Variants in EPB41L4A observed in about 807,000 individuals in gnomAD.
EPB41L4A encodes the protein band 4.1-like protein 4A.
Under a neutral mutation model 108.6 loss-of-function variants are expected in EPB41L4A, and 100 were observed. That is an observed-to-expected ratio of 0.92 (90% confidence interval 0.78 to 1.09). EPB41L4A has a LOEUF of 1.09. EPB41L4A is among the 50% of genes least tolerant of loss of function. EPB41L4A has a pLI of 0.00. For synonymous variants in EPB41L4A, 319 were observed against 289.0 expected (o/e 1.10, Z -1.05); for missense variants, 1,030 against 842.7 (o/e 1.22, Z -2.75).
At chr5:112,152,298 A>G (rs1759500148) in intron 12 of EPB41L4A, among the ~76,000 whole-genome samples, 1 of 152,226 alleles carries the variant, frequency 6.6e-6, no homozygotes. Flanking sequence ...AAAGTGAACC[A>G]AATATTCTAA....
chr5:112,282,914 T>A lies in EPB41L4A; in HGVS notation c.205-2591A>T, dbSNP rs186734808. On this transcript the variant is annotated intron_variant, in intron 2 of 22. Coordinates refer to ENST00000261486, the MANE Select transcript of EPB41L4A (RefSeq NM_022140.5). Reference sequence around the variant, plus strand: ...TTCAGATTTTTTGATTCATTTTGTTTTGTTTTGTCTTTGTTTCCTTGTCTC... The same window carrying A: ...TTCAGATTTTTTGATTCATTTTGTTATGTTTTGTCTTTGTTTCCTTGTCTC... Among the ~76,000 whole-genome samples, 872 of 152,288 alleles carry A rather than the reference T, an allele frequency of 5.7e-3. 2 individuals carry two copies. The highest frequency in any genetic ancestry group is 0.014 in the Middle Eastern group (4 of 294).
chr5:112,406,724 T>C (rs895238916), intron 1 of EPB41L4A, among the ~76,000 whole-genome samples: 1 of 152,094 alleles, frequency 6.6e-6, no homozygotes, highest in African/African-American at 2.4e-5. Flanking sequence ...TTCTGACTTC[T>C]GCCTCTACAA....
chr5:112,366,550 A>G (rs1284016049), intron 1 of EPB41L4A, among the ~76,000 whole-genome samples: 1 of 152,096 alleles, frequency 6.6e-6, no homozygotes, highest in Non-Finnish European at 1.5e-5. Context: ...TGAAAGGGCC[A>G]TGTGATAGGA....
intron 2 of EPB41L4A, among the ~76,000 whole-genome samples, chr5:112,305,139 G>A (rs1754604666): frequency 6.6e-6 from 1 of 152,138 alleles, no homozygotes; most frequent in South Asian, 2.1e-4. Context: ...TGGAATTCTG[G>A]TCCTAATACG....
upstream of EPB41L4A, chr5:112,419,279 G>C (rs886626107): frequency 1.6e-5 from 6 of 379,396 alleles, no homozygotes; most frequent in South Asian, 3.5e-5. Context: ...GGCGGAACTG[G>C]GCGCGGAGGG....
intron 12 of EPB41L4A, chr5:112,228,316 A>G (rs1320397619): frequency 1.3e-5 from 2 of 152,108 alleles, no homozygotes; most frequent in African/African-American, 2.4e-5. Context: ...CACTAGGTCC[A>G]CTCCGCTGCA....
chr5:112,176,506 C>G (rs1223551660), intron 18 of EPB41L4A, among the ~76,000 whole-genome samples: 2 of 152,098 alleles, frequency 1.3e-5, no homozygotes, highest in East Asian at 3.9e-4. Context: ...CTCAGTAAAA[C>G]ACGATGCTAC....
chr5:112,191,897 C>CT (rs1288732946), intron 17 of EPB41L4A: 1 of 152,132 alleles, frequency 6.6e-6, no homozygotes, highest in African/African-American at 2.4e-5. Context: ...GGCGTGCAGG[C>CT]TTTTCTTGGA....
rs1761874485 is a variant in EPB41L4A at position 112,194,659 on chromosome 5, G to C, written c.1425-14C>G. On this transcript the variant is annotated splice_polypyrimidine_tract_variant and intron_variant, in intron 16 of 22. Transcript: ENST00000261486. ...CGTGAACGTGACCTGAAGACAAAAA[G>C]GTAAGAACAAAAGAAAAAACACACA... 6.3e-7 allele frequency: 1 copy of C among 1,580,116 alleles called. No individual in the cohort carries two copies. The highest frequency in any genetic ancestry group is 8.6e-7 in the Non-Finnish European group (1 of 1,163,896).
chr5:112,392,401 C>CAAAAAAAAAAAAAAAAAAAA (rs56256606), intron 1 of EPB41L4A, among the ~76,000 whole-genome samples: 2 of 35,922 alleles, frequency 5.6e-5, no homozygotes, highest in Non-Finnish European at 9.4e-5. Flanking sequence ...AAATGGAAAG[C>CAAAAAAAAAAAAAAAAAAAA]AAAAAAAAAA....
intron 1 of EPB41L4A, among the ~76,000 whole-genome samples, chr5:112,335,656 C>T (rs2150679213): frequency 6.6e-6 from 1 of 152,362 alleles, no homozygotes; most frequent in East Asian, 1.9e-4. Flanking sequence ...TCCACTACTG[C>T]AAGTGCCTCC....
chr5:112,413,932 G>A (rs112653765), intron 1 of EPB41L4A, among the ~76,000 whole-genome samples: 2,045 of 152,262 alleles, frequency 0.013, 12 homozygotes, highest in Middle Eastern at 0.024. Flanking sequence ...CTACAACAAG[G>A]AGAAGAGGAG....
At chr5:112,419,491 G>A, upstream of EPB41L4A, 2 of 376,016 alleles carry the variant, frequency 5.3e-6, no homozygotes, top group South Asian at 2.0e-5. Flanking sequence ...GCACGGATTT[G>A]AGCGCGGCCC....
intron 12 of EPB41L4A, among the ~76,000 whole-genome samples, chr5:112,210,814 T>C (rs1449666076): frequency 6.6e-6 from 1 of 151,950 alleles, no homozygotes; most frequent in Non-Finnish European, 1.5e-5. Context: ...TCAGGGGAAA[T>C]CAGCATGCAC....
intron 15 of EPB41L4A, among the ~76,000 whole-genome samples, chr5:112,198,132 CAA>C (rs1443990719): frequency 6.6e-6 from 1 of 151,982 alleles, no homozygotes; most frequent in Non-Finnish European, 1.5e-5. Context: ...CTTCCGGGTT[CAA>C]GTGATTTTCC....
chr5:112,275,383 T>A lies in EPB41L4A; in HGVS notation c.278A>T (p.Tyr93Phe). 2 of 1,548,902 alleles carry A rather than the reference T, an allele frequency of 1.3e-6. No individual in the cohort carries two copies. The highest frequency in any genetic ancestry group is 1.8e-6 in the Non-Finnish European group (2 of 1,140,812). ...TTCAGCATAGAATTTAATACCAAAATACAAAGTATATGGAGGTCCAGCTAA... is the reference window on the plus strand; with the variant it reads ...TTCAGCATAGAATTTAATACCAAAAAACAAAGTATATGGAGGTCCAGCTAA... ...LINTGPPYTL[Y>F]FGIKFYAEDP... is the part of the protein sequence containing the mutation. The change falls in exon 4 of 23, where the codon TAT (tyrosine) becomes TTT (phenylalanine). Residue 93 changes from tyrosine to phenylalanine, a missense_variant. Physicochemically the swap from Tyr to Phe is conservative, Grantham distance 22. Transcript: ENST00000261486.
intron 2 of EPB41L4A, among the ~76,000 whole-genome samples, chr5:112,284,257 A>G (rs569431655): frequency 7.9e-5 from 12 of 151,160 alleles, no homozygotes; most frequent in Non-Finnish European, 1.5e-4. Flanking sequence ...GTGCCCTAAG[A>G]GACTGTTCTT....
intron 12 of EPB41L4A, among the ~76,000 whole-genome samples, chr5:112,230,985 C>A (rs1748876229): frequency 6.6e-6 from 1 of 152,156 alleles, no homozygotes; most frequent in Non-Finnish European, 1.5e-5. Context: ...TCAGCAAAGT[C>A]TTAAATTTTA....
chr5:112,173,065 C>A (rs1346921408), intron 18 of EPB41L4A, among the ~76,000 whole-genome samples: 1 of 152,158 alleles, frequency 6.6e-6, no homozygotes, highest in Non-Finnish European at 1.5e-5. Context: ...GTTGGAAAAC[C>A]ACTGATTAAG....
Sources: gnomAD v4.1 joint callset for allele counts (sites outside exome capture counted in the v4.1 genomes callset) on GRCh38, gnomAD v4.1.1 for gene constraint, MANE v1.5 for transcripts, NCBI Gene and HGNC (gene_info 2026-07-23, HGNC 2026-07-21) for gene names.